Variants in FGFR2 observed in about 807,000 individuals in gnomAD.
FGFR2 encodes the protein fibroblast growth factor receptor 2.
In FGFR2, 19 loss-of-function variants were observed where a neutral mutation model predicts 95.9. That is an observed-to-expected ratio of 0.20 (90% CI 0.14 to 0.29). FGFR2 has a LOEUF of 0.29. Among genes scored for constraint, FGFR2 ranks in the 10% least tolerant of loss-of-function variants. The probability of loss-of-function intolerance (pLI) is 1.00; values close to 1 mark genes in which losing one functional copy is unlikely to be tolerated. For missense variants in FGFR2, 707 were observed against 1,056.9 expected, an observed-to-expected ratio of 0.67 and a Z score of 4.59; for synonymous variants, 392 against 393.3, an observed-to-expected ratio of 1.00 and a Z score of 0.04.
chr10:121,580,748 C>T (rs1035906704), intron 2 of FGFR2, among the ~76,000 whole-genome samples: 1 of 152,172 alleles, frequency 6.6e-6, no homozygotes, highest in African/African-American at 2.4e-5. Flanking sequence ...GGACATTCCA[C>T]GTTAAGAGCC....
chr10:121,533,334 G>A (rs1464083340), intron 6 of FGFR2, among the ~76,000 whole-genome samples: 1 of 152,192 alleles, frequency 6.6e-6, no homozygotes, highest in Non-Finnish European at 1.5e-5. Context: ...AGGTTTCAAT[G>A]AGCCAAGATC....
chr10:121,522,902 GTC>G (rs1850761074), intron 6 of FGFR2, among the ~76,000 whole-genome samples: 1 of 152,196 alleles, frequency 6.6e-6, no homozygotes, highest in Non-Finnish European at 1.5e-5. Flanking sequence ...CACCAAGGAT[GTC>G]TCTGCACTGT....
chr10:121,572,309 C>T (rs970767170), intron 2 of FGFR2, among the ~76,000 whole-genome samples: 2 of 151,952 alleles, frequency 1.3e-5, no homozygotes, highest in South Asian at 2.1e-4. Context: ...CACAGCGAGA[C>T]GAGAACCTGT....
At chr10:121,577,178 T>TATATAGAG in intron 2 of FGFR2, among the ~76,000 whole-genome samples, 7 of 5,212 alleles carry the variant, frequency 1.3e-3, no homozygotes, top group South Asian at 0.014. Flanking sequence ...TATATATATA[T>TATATAGAG]AGAGAGAGAG....
chr10:121,556,131 CGGACGGATGGATGGACGGATGGAT>C (rs963776299), intron 4 of FGFR2, among the ~76,000 whole-genome samples: 1 of 149,130 alleles, frequency 6.7e-6, no homozygotes, highest in Non-Finnish European at 1.5e-5. Flanking sequence ...GATGGATGGA[CGGACGGATGGATGGACGGATGGAT>C]GACTATTAAA....
At chr10:121,508,934 G>A (rs1284165992) in intron 9 of FGFR2, among the ~76,000 whole-genome samples, 7 of 152,308 alleles carry the variant, frequency 4.6e-5, no homozygotes, top group East Asian at 3.9e-4. Context: ...CTCCAAGAGC[G>A]AGCCTGTGTT....
intron 5 of FGFR2, among the ~76,000 whole-genome samples, chr10:121,540,962 T>C (rs1853655822): frequency 6.6e-6 from 1 of 152,234 alleles, no homozygotes; most frequent in South Asian, 2.1e-4. Context: ...AATCTTGGCA[T>C]ATGCAGCTTG....
intron 13 of FGFR2, among the ~76,000 whole-genome samples, chr10:121,496,053 C>A (rs978546056): frequency 6.6e-6 from 1 of 152,144 alleles, no homozygotes; most frequent in Non-Finnish European, 1.5e-5. Context: ...AGCTCCAGGA[C>A]GCAAGGTTAC....
In FGFR2 at chr10:121,518,938, A is replaced by C; in HGVS notation, c.939+1041T>G. 7.4e-7 allele frequency: 1 copy of C among 1,357,826 alleles called. No individual in the cohort carries two copies. Among genetic ancestry groups the C allele is most frequent in the Non-Finnish European group, 1.0e-6 (1 of 956,172 alleles). The allele number at this position is 1,357,826 out of a possible 1,614,324, so 84.1% of individuals were successfully genotyped here. A position where few individuals can be genotyped will look rare whatever the true frequency, so the allele number is the denominator to read the frequency against. Reference sequence around the variant, plus strand: ...AGAAAACAAACTCCATTACGTCTAAACAGCGGCATTAAAGGGCTGCGGATT... The same window carrying C: ...AGAAAACAAACTCCATTACGTCTAACCAGCGGCATTAAAGGGCTGCGGATT... On this transcript the variant is annotated intron_variant, in intron 7 of 17. Coordinates refer to ENST00000358487, the MANE Select transcript of FGFR2 (RefSeq NM_000141.5). The surrounding 1 kb of genome is among the most constrained non-coding windows in gnomAD (Gnocchi z 4.0).
Position 121,487,203 on chromosome 10 carries a change from C to A in FGFR2, c.2057+151G>T, listed in dbSNP as rs12768192. 2.7e-3 allele frequency: 1,980 copies of A among 743,606 alleles called. 8 individuals carry two copies. The highest frequency in any genetic ancestry group is 4.0e-3 in the Non-Finnish European group (1,646 of 414,622). The allele number at this position is 743,606 out of a possible 1,614,324, so 46.1% of individuals were successfully genotyped here. On this transcript the variant is annotated intron_variant, in intron 15 of 17. Coordinates refer to ENST00000358487, the MANE Select transcript of FGFR2 (RefSeq NM_000141.5). ...TAACAGAGCATTGGTTATCAGCCTA[C>A]CATAAAATCTGTCCTTTCTAAGGCC...
chr10:121,509,474 T>C (rs1451132785), intron 9 of FGFR2, among the ~76,000 whole-genome samples: 76 of 137,224 alleles, frequency 5.5e-4, no homozygotes, highest in Admixed American at 8.8e-4. Context: ...GTGTTATCTG[T>C]TTCTTTTCTT....
intron 2 of FGFR2, among the ~76,000 whole-genome samples, chr10:121,590,441 C>T (rs776308135): frequency 6.6e-6 from 1 of 152,096 alleles, no homozygotes; most frequent in Non-Finnish European, 1.5e-5. Context: ...TGCCCCCCTT[C>T]GAGTCAATAA....
chr10:121,500,971 G>A (rs1490947301), intron 10 of FGFR2, 24 bp from the exon 11 acceptor site: 2 of 1,613,028 alleles, frequency 1.2e-6, no homozygotes, highest in African/African-American at 1.3e-5. Flanking sequence ...TAGGGGATTA[G>A]CACATAGCAT....
chr10:121,568,580 T>A (rs1027698961), intron 2 of FGFR2, among the ~76,000 whole-genome samples: 2 of 150,942 alleles, frequency 1.3e-5, no homozygotes, highest in South Asian at 4.2e-4. Context: ...TGCAACCATG[T>A]CCCTATGTCA....
chr10:121,595,778 G>A (rs915498368), intron 1 of FGFR2, among the ~76,000 whole-genome samples: 2 of 152,190 alleles, frequency 1.3e-5, no homozygotes, highest in African/African-American at 4.8e-5. Context: ...ACCTGTCCCT[G>A]CCCAGAGGAG....
chr10:121,549,356 G>A (rs138645278), intron 5 of FGFR2, among the ~76,000 whole-genome samples: 43 of 152,306 alleles, frequency 2.8e-4, no homozygotes, highest in East Asian at 1.7e-3. Context: ...TTAAAGACAC[G>A]TGAGACACAG....
At chr10:121,497,472 C>T (rs1847024874) in intron 12 of FGFR2, among the ~76,000 whole-genome samples, 1 of 152,170 alleles carries the variant, frequency 6.6e-6, no homozygotes, top group African/African-American at 2.4e-5. Flanking sequence ...ACCTGTTGGG[C>T]TTATAAAAAC....
At chr10:121,595,726 G>C (rs570443921) in intron 1 of FGFR2, among the ~76,000 whole-genome samples, 51 of 152,324 alleles carry the variant, frequency 3.3e-4, no homozygotes, top group African/African-American at 1.2e-3. Context: ...CTAAGTCCTC[G>C]CAGAGGTTTC....
intron 15 of FGFR2, among the ~76,000 whole-genome samples, chr10:121,486,599 G>A (rs959543630): frequency 2.0e-5 from 3 of 152,100 alleles, no homozygotes; most frequent in Non-Finnish European, 2.9e-5. Context: ...GCATAACTAC[G>A]CCCAGCTAAT....
Sources: gnomAD v4.1 joint callset for allele counts (sites outside exome capture counted in the v4.1 genomes callset) on GRCh38, gnomAD v4.1.1 for gene constraint, Gnocchi (gnomAD v3.1) non-coding constraint, MANE v1.5 for transcripts, NCBI Gene and HGNC (gene_info 2026-07-23, HGNC 2026-07-21) for gene names.